The following SUPT16H variants were observed in gnomAD, a reference collection of about 807,000 sequenced individuals.
SUPT16H encodes SPT16 homolog, facilitates chromatin remodeling subunit.
A neutral mutation model predicts 136.2 loss-of-function variants in SUPT16H; 24 were observed. The ratio of observed to expected loss-of-function variants is 0.18; its 90% CI spans 0.13 to 0.25. The LOEUF is 0.25. SUPT16H is among the 10% of genes least tolerant of loss of function. The pLI is 1.00. For synonymous variants in SUPT16H, 415 were observed against 428.2 expected (o/e 0.97, Z 0.38); for missense variants, 623 against 1,270.2 (o/e 0.49, Z 7.74).
At position 21,352,830 on chromosome 14, in the gene SUPT16H, A is replaced by G; in HGVS notation, c.2999-12T>C. 6.2e-7 allele frequency: 1 copy of G among 1,614,040 alleles called. No homozygotes were observed. The highest frequency in any genetic ancestry group is 8.5e-7 in the Non-Finnish European group (1 of 1,179,978). ...ACTTTCTCGGTCCGCTAAATAGAAG[A>G]GGCATTATTAGTTAGCAATAGGTAA... is the stretch of plus-strand genomic sequence containing the variant. On this transcript the variant is annotated splice_polypyrimidine_tract_variant and intron_variant, in intron 25 of 25. Coordinates refer to ENST00000216297, the MANE Select transcript of SUPT16H (RefSeq NM_007192.4).
intron 22 of SUPT16H, among the ~76,000 whole-genome samples, chr14:21,355,180 C>T (rs1001941994): frequency 5.9e-5 from 9 of 152,072 alleles, no homozygotes; most frequent in Admixed American, 1.3e-4. Context: ...TTCTGTTTTT[C>T]ACTATTGTAG....
At position 21,353,928 on chromosome 14, in the gene SUPT16H, G is replaced by C. The variant is rs1886375614; in HGVS notation, c.2791-96C>G. 9.7e-6 allele frequency: 12 copies of C among 1,238,376 alleles called. No individual in the cohort carries two copies. In the South Asian group the frequency reaches 2.4e-4, roughly 25 times the overall value. The allele number at this position is 1,238,376 out of a possible 1,614,324, so 76.7% of individuals were successfully genotyped here. On this transcript the variant is annotated intron_variant, in intron 23 of 25. Transcript: ENST00000216297. ...CCACATAGTATACCAGTATTTACAT[G>C]AAGAAAACAAGAGCAAAATAATCTG...
At chr14:21,357,762 C>T (rs1208677650) in intron 21 of SUPT16H, among the ~76,000 whole-genome samples, 165 bp downstream of exon 21, 2 of 152,126 alleles carry the variant, frequency 1.3e-5, no homozygotes, top group Non-Finnish European at 2.9e-5. Context: ...AGGTGTGAGC[C>T]ATTATGCCTG....
At chr14:21,378,937 C>G (rs1392653704) in intron 1 of SUPT16H, among the ~76,000 whole-genome samples, 1 of 152,070 alleles carries the variant, frequency 6.6e-6, no homozygotes, top group Admixed American at 6.6e-5. Flanking sequence ...AAGGTGGTAT[C>G]TGGATGATAA....
At position 21,373,509 on chromosome 14, in the gene SUPT16H, A is replaced by G. The variant is rs2139414877; in HGVS notation, c.67-79T>C. The G allele has an allele frequency of 8.5e-6, 9 of 1,062,252 alleles. 1 individual carries two copies. In the South Asian group the frequency reaches 8.8e-5, roughly 10 times the overall value. 65.8% of individuals were successfully genotyped at this position (1,062,252 alleles called of 1,614,324 possible). ...ACAGCCTTCAATATTTATCTAGGAC[A>G]GGCATAATTTTCTCCTGATAGAAAT... On this transcript the variant is annotated intron_variant, in intron 1 of 25. Coordinates refer to ENST00000216297, the MANE Select transcript of SUPT16H (RefSeq NM_007192.4).
chr14:21,377,615 G>A (rs1277106100), intron 1 of SUPT16H, among the ~76,000 whole-genome samples: 1 of 77,038 alleles, frequency 1.3e-5, no homozygotes, highest in African/African-American at 3.5e-5. Context: ...TGGAGCTAGT[G>A]GTGAGCTTTT....
intron 24 of SUPT16H, 59 bp from the exon 25 acceptor site, chr14:21,353,624 T>A: frequency 3.1e-6 from 5 of 1,604,204 alleles, no homozygotes; most frequent in Non-Finnish European, 4.3e-6. Flanking sequence ...AACGACAGAG[T>A]TCTTAGTCTA....
In SUPT16H at chr14:21,371,995, T is replaced by C; in HGVS notation, c.209A>G (p.Asp70Gly). ...GCTGGCCATAAAGATGATTTTGTCA[T>C]CACAAAAGACCATGATAGTATCAGT... ...ELTDTIMVFC[D>G]DKIIFMASKK... Residue 70 changes from aspartate to glycine, a missense_variant, in exon 3 of 26, where the codon GAT (aspartate) becomes GGT (glycine). Physicochemically the swap from Asp to Gly is moderately conservative, Grantham distance 94. Around this residue, in one of 7 missense-constraint regions of SUPT16H, gnomAD observed 343 missense variants for 525.7 expected, o/e 0.65. Coordinates refer to ENST00000216297, the MANE Select transcript of SUPT16H (RefSeq NM_007192.4). 6.2e-7 allele frequency: 1 copy of C among 1,614,026 alleles called. No individual in the cohort carries two copies. The highest frequency in any genetic ancestry group is 2.2e-5 in the East Asian group (1 of 44,870).
rs139169466 is a variant in SUPT16H at position 21,364,298 on chromosome 14, G to A, written c.1233+529C>T. ...TGACTGAATTTACATCAACTGCTCA[G>A]ATATTTAGCAAATCCTTAGAGAGAA... On this transcript the variant is annotated intron_variant, in intron 10 of 25. Coordinates refer to ENST00000216297, the MANE Select transcript of SUPT16H (RefSeq NM_007192.4). Among the ~76,000 whole-genome samples the A allele has an allele frequency of 5.2e-3, 786 of 152,166 alleles. 27 individuals are homozygous for A. Among genetic ancestry groups the A allele is most frequent in the Non-Finnish European group, 1.2e-3 (80 of 68,012 alleles).
chr14:21,374,388 A>T (rs1886854901), intron 1 of SUPT16H, among the ~76,000 whole-genome samples: 1 of 152,258 alleles, frequency 6.6e-6, no homozygotes. Context: ...CAGAATTCAC[A>T]TAAAATTCAA....
chr14:21,369,371 G>A lies in SUPT16H; in HGVS notation c.631-16C>T. 1 of 1,613,990 alleles carries A rather than the reference G, an allele frequency of 6.2e-7. No individual in the cohort carries two copies. Among genetic ancestry groups the A allele is most frequent in the Non-Finnish European group, 8.5e-7 (1 of 1,179,916 alleles). The stretch of plus-strand genomic sequence containing the variant: ...GTCGAACTTTCTGTAAGAGCATCCA[G>A]AAATAAAGTAACACTTACTAGAGGG... On this transcript the variant is annotated splice_polypyrimidine_tract_variant and intron_variant, in intron 5 of 25. Transcript: ENST00000216297.
chr14:21,383,944 TCTC>T lies in SUPT16H; in HGVS notation c.-20_-18del, dbSNP rs770250884. 5 of 1,612,198 alleles carry T rather than the reference TCTC, an allele frequency of 3.1e-6. No individual in the cohort carries two copies. In the South Asian group the frequency reaches 5.5e-5, roughly 18 times the overall value. On this transcript the variant is annotated 5_prime_UTR_variant, in exon 1 of 26. Transcript: ENST00000216297. ...CACAGCCATAGCCCCGGACGCCGCT[TCTC>T]CTCGGGTTCCGAGAATCACGCGAGG...
At chr14:21,364,703 A>G in intron 10 of SUPT16H, 124 bp downstream of exon 10, 1 of 729,178 alleles carries the variant, frequency 1.4e-6, no homozygotes, top group Non-Finnish European at 2.3e-6. Context: ...GCATTAGGTT[A>G]GGCTGTCACA....
intron 1 of SUPT16H, among the ~76,000 whole-genome samples, chr14:21,380,848 C>T (rs1471557250): frequency 6.6e-6 from 1 of 151,852 alleles, no homozygotes; most frequent in Non-Finnish European, 1.5e-5. Context: ...TAGATAACCT[C>T]TTTTGTTTCT....
intron 22 of SUPT16H, chr14:21,354,751 C>G: frequency 4.9e-6 from 2 of 411,810 alleles, no homozygotes; most frequent in Non-Finnish European, 8.4e-6. Flanking sequence ...GCCACCATGC[C>G]TGGCTAATTT....
chr14:21,355,323 T>G (rs1886404371), intron 22 of SUPT16H, among the ~76,000 whole-genome samples: 1 of 151,714 alleles, frequency 6.6e-6, no homozygotes, highest in Non-Finnish European at 1.5e-5. Context: ...TGAAACCCCG[T>G]CCTACTAAAA....
intron 22 of SUPT16H, among the ~76,000 whole-genome samples, chr14:21,355,957 G>T (rs1224451622): frequency 1.3e-5 from 2 of 152,170 alleles, no homozygotes; most frequent in Non-Finnish European, 2.9e-5. Flanking sequence ...TCAGACATTG[G>T]ATAAAAAGCA....
chr14:21,367,980 T>C (rs112717369), intron 7 of SUPT16H, among the ~76,000 whole-genome samples: 4 of 152,288 alleles, frequency 2.6e-5, no homozygotes, highest in African/African-American at 9.6e-5. Flanking sequence ...CGAGGTATAA[T>C]CGCAACTCAC....
intron 21 of SUPT16H, 112 bp downstream of exon 21, chr14:21,357,815 A>C: frequency 9.3e-7 from 1 of 1,073,434 alleles, no homozygotes; most frequent in South Asian, 1.5e-5. Flanking sequence ...AATGAGTTTT[A>C]AGTCTAAGTA....
Sources: gnomAD v4.1 joint callset for allele counts (sites outside exome capture counted in the v4.1 genomes callset) on GRCh38, gnomAD v4.1.1 for gene constraint, gnomAD v4.1.1 regional missense constraint, MANE v1.5 for transcripts, NCBI Gene and HGNC (gene_info 2026-07-23, HGNC 2026-07-21) for gene names.